Variants in PRSS3 observed in about 807,000 individuals in gnomAD.
PRSS3 encodes trypsin-3.
Under a neutral mutation model 20.8 loss-of-function variants are expected in PRSS3, and 14 were observed. That is an observed-to-expected ratio of 0.67 (90% CI 0.44 to 1.05). The LOEUF (loss-of-function observed/expected upper bound fraction) is 1.05. Among genes scored for constraint, PRSS3 ranks in the 50% least tolerant of loss-of-function variants. The pLI is 0.00. For missense variants in PRSS3, 237 were observed against 306.4 expected (o/e 0.77, Z 1.69); for synonymous variants, 91 against 117.6 (o/e 0.77, Z 1.46).
At chr9:33,794,634 G>A (rs1349799788), upstream of PRSS3, 1 of 1,325,682 alleles carries the variant, frequency 7.5e-7, no homozygotes, top group Non-Finnish European at 1.0e-6. Flanking sequence ...AGATCAGATG[G>A]TAACCCAGAT....
chr9:33,795,500 GACACCTCCTCTCCTGA>G, upstream of PRSS3: 1 of 1,594,006 alleles, frequency 6.3e-7, no homozygotes, highest in Admixed American at 1.7e-5. Context: ...TCACCTCACA[GACACCTCCTCTCCTGA>G]TTCTTGGAAG....
At chr9:33,798,182 C>T (rs1825112701) in intron 3 of PRSS3, 100 bp downstream of exon 3, 16 of 1,580,460 alleles carry the variant, frequency 1.0e-5, no homozygotes, top group African/African-American at 1.3e-5. Context: ...CGGCTTAAGA[C>T]ACATTTCTAG....
chr9:33,774,847 A>T (rs2974954), intron 1 of PRSS3, among the ~76,000 whole-genome samples: 1 of 151,726 alleles, frequency 6.6e-6, no homozygotes, highest in African/African-American at 2.4e-5. Flanking sequence ...AATTACAGGC[A>T]TGGTGGCGCA....
chr9:33,750,920 G>T lies in PRSS3; in HGVS notation c.-53+193G>T. 7.8e-7 allele frequency: 1 copy of T among 1,283,670 alleles called. No individual in the cohort carries two copies. Among genetic ancestry groups the T allele is most frequent in the Non-Finnish European group, 9.9e-7 (1 of 1,007,130 alleles). The allele number at this position is 1,283,670 out of a possible 1,614,324, so 79.5% of individuals were successfully genotyped here. A position where few individuals can be genotyped will look rare whatever the true frequency, so the allele number is the denominator to read the frequency against. On this transcript the variant is annotated intron_variant, in intron 1 of 5. Transcript: ENST00000342836. The surrounding 1 kb of genome is among the most constrained non-coding windows in gnomAD (Gnocchi z 4.8). The stretch of plus-strand genomic sequence containing the variant: ...GACAGGGATGGAGGCTCCTCTAGGG[G>T]AGGACGGGAGGGGATGGAGGGCCCT...
At chr9:33,764,321 G>C (rs1185891761) in intron 1 of PRSS3, among the ~76,000 whole-genome samples, 1 of 152,204 alleles carries the variant, frequency 6.6e-6, no homozygotes, top group African/African-American at 2.4e-5. Context: ...ATCACCTGAG[G>C]TTAGCAGTTC....
intron 1 of PRSS3, among the ~76,000 whole-genome samples, chr9:33,768,537 GAGAA>G (rs1823548581): frequency 6.6e-6 from 1 of 150,882 alleles, no homozygotes; most frequent in African/African-American, 2.4e-5. Context: ...AGTGAGGACT[GAGAA>G]AGAAAGAACA....
chr9:33,765,703 C>G (rs529459908), intron 1 of PRSS3, among the ~76,000 whole-genome samples: 19 of 152,136 alleles, frequency 1.2e-4, no homozygotes, highest in Non-Finnish European at 2.6e-4. Flanking sequence ...GAATGGTGTG[C>G]AATTTAAAAT....
intron 1 of PRSS3, among the ~76,000 whole-genome samples, chr9:33,780,140 GAAA>G (rs970769802): frequency 1.3e-5 from 2 of 150,934 alleles, no homozygotes; most frequent in Admixed American, 6.6e-5. Flanking sequence ...CAAGGTAAAA[GAAA>G]AAAAAATTCT....
At chr9:33,794,478 G>A (rs145457263), upstream of PRSS3, among the ~76,000 whole-genome samples, 1,252 of 152,236 alleles carry the variant, frequency 8.2e-3, 14 homozygotes, top group African/African-American at 0.028. Context: ...GATATTCTCT[G>A]GGAAGATTCA....
intron 1 of PRSS3, chr9:33,786,761 T>A: frequency 2.6e-6 from 2 of 766,062 alleles, no homozygotes. Context: ...AAACCTAACA[T>A]TCTCAACTCT....
At chr9:33,761,505 G>A (rs374021800) in intron 1 of PRSS3, among the ~76,000 whole-genome samples, 31 of 152,154 alleles carry the variant, frequency 2.0e-4, no homozygotes, top group African/African-American at 6.3e-4. Context: ...TTGGGAGTTC[G>A]AGACCAGCCT....
chr9:33,771,324 T>G (rs1246702848), intron 1 of PRSS3, among the ~76,000 whole-genome samples: 1 of 151,722 alleles, frequency 6.6e-6, no homozygotes, highest in African/African-American at 2.4e-5. Context: ...CCTTTTTTTT[T>G]TTTTATGTTT....
intron 1 of PRSS3, among the ~76,000 whole-genome samples, chr9:33,758,819 G>T (rs1823061526): frequency 6.6e-6 from 1 of 152,188 alleles, no homozygotes; most frequent in Non-Finnish European, 1.5e-5. Context: ...CAAGATTAAG[G>T]CTAAGCTCAT....
intron 1 of PRSS3, among the ~76,000 whole-genome samples, chr9:33,756,736 C>T (rs888812956): frequency 1.3e-5 from 2 of 152,204 alleles, no homozygotes; most frequent in African/African-American, 4.8e-5. Context: ...ATCCTGTTCT[C>T]ATTTCATGAA....
upstream of PRSS3, chr9:33,793,568 A>G: frequency 1.7e-6 from 1 of 589,198 alleles, no homozygotes; most frequent in South Asian, 7.6e-5. Context: ...TCAATCATCT[A>G]TTTCTGCCAG....
intron 1 of PRSS3, among the ~76,000 whole-genome samples, chr9:33,778,799 C>G (rs534124831): frequency 6.6e-6 from 1 of 152,256 alleles, no homozygotes; most frequent in East Asian, 1.9e-4. Flanking sequence ...AGGTGATTCC[C>G]CACAAGTCCT....
At chr9:33,767,871 A>C (rs1823508747) in intron 1 of PRSS3, among the ~76,000 whole-genome samples, 1 of 152,186 alleles carries the variant, frequency 6.6e-6, no homozygotes, top group African/African-American at 2.4e-5. Flanking sequence ...AAAGAAGACC[A>C]TCTGAAGACA....
At position 33,750,770 on chromosome 9, in the gene PRSS3, G is replaced by C; in HGVS notation, c.-53+43G>C. The C allele has an allele frequency of 7.1e-7, 1 of 1,417,036 alleles. No individual in the cohort carries two copies. Among genetic ancestry groups the C allele is most frequent in the South Asian group, 1.5e-5 (1 of 66,536 alleles). 87.8% of individuals were successfully genotyped at this position (1,417,036 alleles called of 1,614,324 possible). Reference sequence around the variant, plus strand: ...GCAGGGGGCTTGAAACTGGAGGAGGGCTCGAAGGGAGAGGGAGCCCCGCCA... The same window carrying C: ...GCAGGGGGCTTGAAACTGGAGGAGGCCTCGAAGGGAGAGGGAGCCCCGCCA... On this transcript the variant is annotated intron_variant, in intron 1 of 5. Coordinates refer to the PRSS3 transcript ENST00000342836. This position sits in a 1 kb window ranked among gnomAD's most constrained non-coding sequence, Gnocchi z 4.8.
intron 1 of PRSS3, among the ~76,000 whole-genome samples, chr9:33,761,895 A>G (rs1276848550): frequency 6.6e-6 from 1 of 151,988 alleles, no homozygotes; most frequent in Non-Finnish European, 1.5e-5. Context: ...AAGAAGAAAA[A>G]AAGGTATTAT....
Sources: gnomAD v4.1 joint callset for allele counts (sites outside exome capture counted in the v4.1 genomes callset) on GRCh38, gnomAD v4.1.1 for gene constraint, Gnocchi (gnomAD v3.1) non-coding constraint, MANE v1.5 for transcripts, NCBI Gene and HGNC (gene_info 2026-07-23, HGNC 2026-07-21) for gene names.